The following METTL15 variants were observed in gnomAD, a reference collection of about 807,000 sequenced individuals.
The protein encoded by METTL15 is methyltransferase 15, mitochondrial 12S rRNA N4-cytidine.
Under a neutral mutation model 38.3 loss-of-function variants are expected in METTL15, and 34 were observed. That is an observed-to-expected ratio of 0.89 (90% confidence interval 0.68 to 1.18). The LOEUF (loss-of-function observed/expected upper bound fraction) is 1.18, where lower values mean the gene tolerates loss of function less well. METTL15 is among the 50% of genes most tolerant of loss of function. The pLI is 0.00. For synonymous variants in METTL15, 162 were observed against 170.9 expected, an observed-to-expected ratio of 0.95 and a Z score of 0.41; for missense variants, 438 against 498.4, an observed-to-expected ratio of 0.88 and a Z score of 1.15.
In METTL15 at chr11:28,308,892, G is replaced by GTAGATAGATAGATAGATAGA. The variant is rs68044190; in HGVS notation, c.778+11985_778+12004dup. On this transcript the variant is annotated intron_variant, in intron 6 of 6. Coordinates refer to ENST00000407364, the MANE Select transcript of METTL15 (RefSeq NM_001113528.2). ...AAAGATTAGATAGATAGGTAGGTAG[G>GTAGATAGATAGATAGATAGA]TAGATAGATAGATAGATAGATAGAT... is the stretch of plus-strand genomic sequence containing the variant. 1.6e-3 allele frequency among the ~76,000 whole-genome samples: 237 copies of GTAGATAGATAGATAGATAGA among 146,996 alleles called. 1 individual carries two copies. The highest frequency in any genetic ancestry group is 1.7e-3 in the Admixed American group (25 of 14,508).
intron 6 of METTL15, among the ~76,000 whole-genome samples, chr11:28,310,544 A>C (rs1413001646): frequency 6.6e-6 from 1 of 152,044 alleles, no homozygotes; most frequent in Non-Finnish European, 1.5e-5. Context: ...GCTTTATTCC[A>C]TTCCTTAATA....
chr11:28,490,700 T>G (rs2133481532), intron 6 of METTL15, among the ~76,000 whole-genome samples: 1 of 152,194 alleles, frequency 6.6e-6, no homozygotes, highest in Middle Eastern at 3.4e-3. Context: ...ATTTGCCTAT[T>G]AACTGTAATA....
chr11:28,208,739 C>T (rs562739514), intron 3 of METTL15, among the ~76,000 whole-genome samples: 1 of 151,390 alleles, frequency 6.6e-6, no homozygotes, highest in Non-Finnish European at 1.5e-5. Context: ...TATTCAGTTG[C>T]TTTTTTTATT....
intron 3 of METTL15, among the ~76,000 whole-genome samples, chr11:28,350,247 T>C (rs4572130): frequency 0.38 from 58,004 of 152,028 alleles, 12,743 homozygotes; most frequent in African/African-American, 0.61. Context: ...TCTTGTTTCT[T>C]CCTTATGGAT....
chr11:28,329,909 G>T (rs1249616562), intron 6 of METTL15, among the ~76,000 whole-genome samples: 1 of 152,044 alleles, frequency 6.6e-6, no homozygotes, highest in Admixed American at 6.6e-5. Flanking sequence ...CTGGCCTCCA[G>T]TGTGCTCATA....
chr11:28,417,384 G>T (rs1284969738), intron 5 of METTL15, among the ~76,000 whole-genome samples: 2 of 152,132 alleles, frequency 1.3e-5, no homozygotes, highest in Non-Finnish European at 2.9e-5. Flanking sequence ...TATTGTCTTT[G>T]TCTTCCAGGT....
chr11:28,306,304 T>C (rs770816023), intron 6 of METTL15, among the ~76,000 whole-genome samples: 1 of 152,072 alleles, frequency 6.6e-6, no homozygotes, highest in Non-Finnish European at 1.5e-5. Context: ...AGTTTTCACA[T>C]TGATATTAAT....
At chr11:28,326,683 T>G (rs1849645175) in intron 6 of METTL15, among the ~76,000 whole-genome samples, 1 of 152,112 alleles carries the variant, frequency 6.6e-6, no homozygotes, top group African/African-American at 2.4e-5. Flanking sequence ...ACTCAGATGA[T>G]CCTCCTGCCT....
Position 28,498,971 on chromosome 11 carries a change from G to A in METTL15, c.*425-27507G>A, listed in dbSNP as rs146763510. On this transcript the variant is annotated intron_variant and NMD_transcript_variant, in intron 6 of 7. Transcript: ENST00000532947. ...GGTAGAAAAGCAGGGTCTAGAGCTTGACTGCTTGGTTTTATTAATACATCT... is the reference window on the plus strand; with the variant it reads ...GGTAGAAAAGCAGGGTCTAGAGCTTAACTGCTTGGTTTTATTAATACATCT... Among the ~76,000 whole-genome samples the A allele has an allele frequency of 6.4e-4, 97 of 152,328 alleles. No individual in the cohort carries two copies. In the Middle Eastern group the frequency reaches 0.017, roughly 27 times the overall value.
intron 6 of METTL15, among the ~76,000 whole-genome samples, chr11:28,318,968 T>A (rs1019812282): frequency 1.3e-5 from 2 of 152,178 alleles, no homozygotes; most frequent in Non-Finnish European, 2.9e-5. Context: ...TAACAATAAG[T>A]TATTTTCAAT....
At chr11:28,154,003 C>T (rs1850180281) in intron 3 of METTL15, among the ~76,000 whole-genome samples, 1 of 152,090 alleles carries the variant, frequency 6.6e-6, no homozygotes, top group African/African-American at 2.4e-5. Flanking sequence ...TTCTAAATAT[C>T]AATTGAAATA....
intron 6 of METTL15, among the ~76,000 whole-genome samples, chr11:28,486,275 G>C (rs998669258): frequency 2.6e-5 from 4 of 152,100 alleles, no homozygotes; most frequent in Non-Finnish European, 4.4e-5. Flanking sequence ...ATGGGGGATG[G>C]TACAGGAAAG....
chr11:28,378,814 A>C (rs1302823340), intron 5 of METTL15, among the ~76,000 whole-genome samples: 1 of 103,044 alleles, frequency 9.7e-6, no homozygotes, highest in Non-Finnish European at 2.0e-5. Context: ...AGTCTTCTTT[A>C]AATATTTAGT....
chr11:28,376,111 T>G (rs1850308343), intron 5 of METTL15, among the ~76,000 whole-genome samples: 1 of 151,706 alleles, frequency 6.6e-6, no homozygotes. Flanking sequence ...TTGGAATAGG[T>G]GTGGTGTGGT....
intron 6 of METTL15, among the ~76,000 whole-genome samples, chr11:28,433,163 G>GTTTT (rs1209820099): frequency 6.8e-4 from 64 of 93,740 alleles, no homozygotes; most frequent in Non-Finnish European, 1.1e-3. Flanking sequence ...GTTTTGTTTT[G>GTTTT]TTTTTTTTGT....
At chr11:28,212,367 C>A (rs954232929) in intron 4 of METTL15, among the ~76,000 whole-genome samples, 1 of 152,078 alleles carries the variant, frequency 6.6e-6, no homozygotes, top group African/African-American at 2.4e-5. Flanking sequence ...TATCTGTCTT[C>A]TGCAGTGTAA....
At chr11:28,154,158 G>T (rs1422358905) in intron 3 of METTL15, among the ~76,000 whole-genome samples, 1 of 152,134 alleles carries the variant, frequency 6.6e-6, no homozygotes, top group Non-Finnish European at 1.5e-5. Flanking sequence ...AATTGAAGGG[G>T]AGATTCTAGC....
chr11:28,452,246 A>G (rs1428660496), intron 6 of METTL15, among the ~76,000 whole-genome samples: 1 of 152,236 alleles, frequency 6.6e-6, no homozygotes, highest in African/African-American at 2.4e-5. Context: ...TCAGCCTGAA[A>G]GAAACATTAT....
intron 6 of METTL15, among the ~76,000 whole-genome samples, chr11:28,430,854 G>C (rs550503562): frequency 2.7e-5 from 3 of 111,622 alleles, no homozygotes; most frequent in Non-Finnish European, 5.8e-5. Context: ...AGGGAGGTGG[G>C]GGGGGTCAGC....
Sources: allele counts gnomAD v4.1 joint callset (sites outside exome capture counted in the v4.1 genomes callset), GRCh38; gene constraint gnomAD v4.1.1; transcripts MANE v1.5; gene names NCBI Gene and HGNC (gene_info 2026-07-23, HGNC 2026-07-21).